Variants in NKAIN3 observed in about 807,000 individuals in gnomAD.
The protein encoded by NKAIN3 is sodium/potassium transporting ATPase interacting 3, also known as sodium/potassium-transporting ATPase subunit beta-1-interacting protein 3.
Under a neutral mutation model 30.2 loss-of-function variants are expected in NKAIN3, and 25 were observed. The observed-to-expected ratio is 0.83, with a 90% CI of 0.60 to 1.16. NKAIN3 has a LOEUF of 1.16. NKAIN3 is among the 50% of genes most tolerant of loss of function. The pLI is 0.00. For missense variants in NKAIN3, 225 were observed against 254.1 expected (o/e 0.89, Z 0.78); for synonymous variants, 91 against 89.6 (o/e 1.02, Z -0.09).
chr8:62,742,926 G>A (rs1815951722), intron 3 of NKAIN3, among the ~76,000 whole-genome samples: 1 of 152,150 alleles, frequency 6.6e-6, no homozygotes, highest in Non-Finnish European at 1.5e-5. Context: ...CTTCTTCACA[G>A]GAGAGAGAAG....
At chr8:62,735,562 A>G (rs190170697) in intron 3 of NKAIN3, among the ~76,000 whole-genome samples, 14 of 151,868 alleles carry the variant, frequency 9.2e-5, no homozygotes, top group East Asian at 7.7e-4. Flanking sequence ...ACATTTTTTA[A>G]ATGTCTTTAA....
intron 3 of NKAIN3, among the ~76,000 whole-genome samples, chr8:62,659,595 T>C (rs1348706167): frequency 6.6e-6 from 1 of 152,154 alleles, no homozygotes; most frequent in African/African-American, 2.4e-5. Flanking sequence ...TGGATGGAGA[T>C]GGGGGCTGCT....
intron 3 of NKAIN3, among the ~76,000 whole-genome samples, chr8:62,618,245 T>C (rs1811520505): frequency 6.6e-6 from 1 of 152,156 alleles, no homozygotes; most frequent in African/African-American, 2.4e-5. Context: ...AAATCTCTAG[T>C]GAAGACACAC....
intron 4 of NKAIN3, among the ~76,000 whole-genome samples, chr8:62,865,693 C>A (rs1423621150): frequency 6.6e-6 from 1 of 151,942 alleles, no homozygotes; most frequent in Non-Finnish European, 1.5e-5. Flanking sequence ...TTATTGATAA[C>A]CTTAAGAAAT....
intron 4 of NKAIN3, among the ~76,000 whole-genome samples, chr8:62,785,989 G>A (rs1007631235): frequency 1.4e-4 from 22 of 152,120 alleles, no homozygotes; most frequent in Admixed American, 3.9e-4. Context: ...GGGCCGGTAC[G>A]GAAATAAGTG....
chr8:62,786,074 C>A (rs147407410), intron 4 of NKAIN3, among the ~76,000 whole-genome samples: 2 of 152,120 alleles, frequency 1.3e-5, no homozygotes, highest in East Asian at 3.9e-4. Context: ...CCACACCCCC[C>A]TCCCTGCAAC....
At chr8:62,276,266 A>G (rs368444515) in intron 1 of NKAIN3, among the ~76,000 whole-genome samples, 1 of 152,066 alleles carries the variant, frequency 6.6e-6, no homozygotes, top group Non-Finnish European at 1.5e-5. Context: ...GGATTTCACC[A>G]TATTGGCTAG....
intron 4 of NKAIN3, among the ~76,000 whole-genome samples, chr8:62,755,451 A>T (rs1032966682): frequency 6.6e-6 from 1 of 152,204 alleles, no homozygotes; most frequent in Non-Finnish European, 1.5e-5. Flanking sequence ...TCTTGAAAAC[A>T]TCTCTCAACA....
chr8:62,761,350 C>A (rs571251978), intron 4 of NKAIN3, among the ~76,000 whole-genome samples: 4 of 151,098 alleles, frequency 2.6e-5, no homozygotes, highest in Admixed American at 1.3e-4. Context: ...TGGGGGAGGA[C>A]GGGGGTGGAT....
chr8:62,807,555 G>GT (rs1563572065), intron 4 of NKAIN3, among the ~76,000 whole-genome samples: 20 of 89,206 alleles, frequency 2.2e-4, no homozygotes, highest in Admixed American at 5.1e-4. Context: ...ATTCTTTTCT[G>GT]GTTTTTTTTT....
intron 4 of NKAIN3, among the ~76,000 whole-genome samples, chr8:62,772,088 A>T (rs1817032462): frequency 6.6e-6 from 1 of 152,050 alleles, no homozygotes; most frequent in Non-Finnish European, 1.5e-5. Flanking sequence ...GGTTACAATT[A>T]TTCTACTTTC....
chr8:62,883,459 T>TGTTTTTTTTTG (rs1554588081), intron 4 of NKAIN3, among the ~76,000 whole-genome samples: 1 of 78,378 alleles, frequency 1.3e-5, no homozygotes. Context: ...TTTTATGGGT[T>TGTTTTTTTTTG]TTTTTTTTTT....
chr8:62,318,576 C>G, intron 1 of NKAIN3, among the ~76,000 whole-genome samples: 1 of 149,626 alleles, frequency 6.7e-6, no homozygotes, highest in East Asian at 1.9e-4. Flanking sequence ...GTCATTGGTT[C>G]TCTATTGAGA....
intron 4 of NKAIN3, among the ~76,000 whole-genome samples, chr8:62,805,868 C>A (rs1269368559): frequency 6.6e-6 from 1 of 152,096 alleles, no homozygotes; most frequent in South Asian, 2.1e-4. Flanking sequence ...TACAGGCAAC[C>A]TACAAAATGG....
At chr8:62,754,998 G>C (rs933617774) in intron 4 of NKAIN3, among the ~76,000 whole-genome samples, 17 of 152,164 alleles carry the variant, frequency 1.1e-4, no homozygotes, top group African/African-American at 3.9e-4. Flanking sequence ...ATAGTTAAAA[G>C]ATTTTTTTAA....
At chr8:62,290,569 C>T (rs1487881896) in intron 1 of NKAIN3, among the ~76,000 whole-genome samples, 1 of 152,144 alleles carries the variant, frequency 6.6e-6, no homozygotes, top group African/African-American at 2.4e-5. Context: ...TTGAACCAGC[C>T]TTGCATCCCA....
chr8:62,749,467 G>T (rs1816198354), intron 4 of NKAIN3, among the ~76,000 whole-genome samples: 1 of 152,110 alleles, frequency 6.6e-6, no homozygotes, highest in Admixed American at 6.6e-5. Context: ...TAAAAGATTA[G>T]TTGCTGCTCA....
At position 62,980,406 on chromosome 8, in the gene NKAIN3, A is replaced by G. The variant is rs1368567855; in HGVS notation, c.*14999A>G. On this transcript the variant is annotated 3_prime_UTR_variant, in exon 7 of 7. Coordinates refer to ENST00000623646, the MANE Select transcript of NKAIN3 (RefSeq NM_001304533.3). Reference sequence around the variant, plus strand: ...TTTTATAAGATAATATACTAGGACCATCTATCAGATATGAAACCAAGCATA... The same window carrying G: ...TTTTATAAGATAATATACTAGGACCGTCTATCAGATATGAAACCAAGCATA... The G allele has an allele frequency of 4.6e-5, 7 of 152,248 alleles. No individual in the cohort carries two copies. The highest frequency in any genetic ancestry group is 4.6e-4 in the Admixed American group (7 of 15,284). The allele number at this position is 152,248 out of a possible 1,614,324, so 9.4% of individuals were successfully genotyped here.
At chr8:62,694,844 A>G (rs1358693639) in intron 3 of NKAIN3, among the ~76,000 whole-genome samples, 9 of 152,174 alleles carry the variant, frequency 5.9e-5, no homozygotes, top group African/African-American at 1.7e-4. Context: ...CCAGAAAAAA[A>G]CCACCCTTGA....
Sources: gnomAD v4.1 joint callset for allele counts (sites outside exome capture counted in the v4.1 genomes callset) on GRCh38, gnomAD v4.1.1 for gene constraint, MANE v1.5 for transcripts, NCBI Gene and HGNC (gene_info 2026-07-23, HGNC 2026-07-21) for gene names.